RBFOX1: variants seen among roughly 807,000 people sequenced by gnomAD.
RBFOX1 encodes RNA binding fox-1 homolog 1.
In RBFOX1, 8 loss-of-function variants were observed where a neutral mutation model predicts 57.7. The ratio of observed to expected loss-of-function variants is 0.14; its 90% CI spans 0.08 to 0.25. The LOEUF (loss-of-function observed/expected upper bound fraction) is 0.25, where lower values mean the gene tolerates loss of function less well. RBFOX1 is among the 10% of genes least tolerant of loss of function. RBFOX1 has a pLI of 1.00. For synonymous variants in RBFOX1, 326 were observed against 222.4 expected (o/e 1.47, Z -4.15); for missense variants, 611 against 548.5 (o/e 1.11, Z -1.14).
intron 2 of RBFOX1, among the ~76,000 whole-genome samples, chr16:6,387,040 C>G (rs1178415008): frequency 1.3e-5 from 2 of 152,160 alleles, no homozygotes; most frequent in South Asian, 2.1e-4. Flanking sequence ...TGGAGAGGAA[C>G]TTGGACTTTA....
At chr16:5,969,477 A>ATT (rs34622040) in intron 4 of RBFOX1, among the ~76,000 whole-genome samples, 32,225 of 116,690 alleles carry the variant, frequency 0.28, 5,213 homozygotes, top group Non-Finnish European at 0.37. Context: ...ACGCCTGGCT[A>ATT]TTTTTTTTTT....
At chr16:5,936,094 G>T (rs2059162503) in intron 4 of RBFOX1, among the ~76,000 whole-genome samples, 1 of 151,996 alleles carries the variant, frequency 6.6e-6, no homozygotes. Flanking sequence ...GTAGCATCTG[G>T]CATCATAAAC....
intron 4 of RBFOX1, among the ~76,000 whole-genome samples, chr16:7,471,609 G>T (rs1250323608): frequency 6.6e-6 from 1 of 152,144 alleles, no homozygotes; most frequent in Non-Finnish European, 1.5e-5. Flanking sequence ...CTGAGACGGG[G>T]GTGGAGATGG....
At chr16:7,290,091 T>G (rs2095737709) in intron 4 of RBFOX1, among the ~76,000 whole-genome samples, 2 of 152,252 alleles carry the variant, frequency 1.3e-5, no homozygotes, top group Non-Finnish European at 2.9e-5. Flanking sequence ...TACGTACATT[T>G]ACACCGGTAG....
intron 3 of RBFOX1, among the ~76,000 whole-genome samples, chr16:6,884,284 G>T (rs948686176): frequency 1.4e-4 from 21 of 152,152 alleles, no homozygotes; most frequent in African/African-American, 5.1e-4. Context: ...CAAACTCTGG[G>T]TACTGTGAAG....
intron 3 of RBFOX1, among the ~76,000 whole-genome samples, chr16:5,666,533 G>A (rs962551937): frequency 2.6e-5 from 4 of 152,274 alleles, no homozygotes; most frequent in East Asian, 1.9e-4. Context: ...TGGAGCCTGC[G>A]TTTCTGTTGG....
chr16:6,659,241 T>TTGTCAGAGG (rs59444131), intron 3 of RBFOX1, among the ~76,000 whole-genome samples: 152,079 of 152,140 alleles, frequency 1, 76,009 homozygotes, highest in Middle Eastern at 1. Flanking sequence ...GAGAGCCCAT[T>TTGTCAGAGG]TTATAAACAC....
intron 2 of RBFOX1, among the ~76,000 whole-genome samples, chr16:6,427,761 C>T (rs1234906127): frequency 6.6e-6 from 1 of 152,034 alleles, no homozygotes; most frequent in African/African-American, 2.4e-5. Flanking sequence ...CAGTGTGATA[C>T]AATGGTAGGA....
intron 14 of RBFOX1, among the ~76,000 whole-genome samples, chr16:7,697,857 G>C (rs2079284919): frequency 6.6e-6 from 1 of 152,178 alleles, no homozygotes; most frequent in African/African-American, 2.4e-5. Flanking sequence ...ATTTGGAAGA[G>C]ACCCAAGGGC....
chr16:6,312,350 C>A lies in RBFOX1; in HGVS notation c.-126-4645C>A, dbSNP rs545211456. Among the ~76,000 whole-genome samples, 78 of 152,218 alleles carry A rather than the reference C, an allele frequency of 5.1e-4. No individual in the cohort carries two copies. In the Middle Eastern group the frequency reaches 0.01, roughly 20 times the overall value. On this transcript the variant is annotated intron_variant, in intron 1 of 15. Transcript: ENST00000550418. ...AACCCTCCTCCATGGCTCTTCCACT[C>A]TCTTCTTCTTCTCTCTCTCATTGCT...
At chr16:6,150,987 G>C (rs904287603) in intron 1 of RBFOX1, among the ~76,000 whole-genome samples, 6 of 152,140 alleles carry the variant, frequency 3.9e-5, no homozygotes, top group African/African-American at 1.4e-4. Context: ...TGTTCCTGCT[G>C]TTCTCCAGGA....
chr16:7,613,888 C>A (rs377678783), intron 10 of RBFOX1, among the ~76,000 whole-genome samples: 7 of 152,306 alleles, frequency 4.6e-5, no homozygotes, highest in African/African-American at 1.2e-4. Context: ...GTCCCTGACA[C>A]AAGTTTGCTC....
intron 4 of RBFOX1, among the ~76,000 whole-genome samples, chr16:6,006,305 G>T (rs921437029): frequency 5.9e-5 from 9 of 151,798 alleles, no homozygotes; most frequent in African/African-American, 2.2e-4. Context: ...TGATGGTTCA[G>T]CCCCGGGTAT....
At chr16:7,477,207 C>G (rs369844529) in intron 4 of RBFOX1, among the ~76,000 whole-genome samples, 3 of 152,248 alleles carry the variant, frequency 2.0e-5, no homozygotes, top group African/African-American at 7.2e-5. Flanking sequence ...GTATATCTGT[C>G]TCTTGGGTTG....
intron 3 of RBFOX1, among the ~76,000 whole-genome samples, chr16:6,667,295 G>C (rs1205751823): frequency 6.6e-6 from 1 of 152,128 alleles, no homozygotes; most frequent in Non-Finnish European, 1.5e-5. Flanking sequence ...CACTGAGGTA[G>C]ATCGGGCTAT....
intron 4 of RBFOX1, among the ~76,000 whole-genome samples, chr16:5,933,164 A>C (rs1014326974): frequency 2.6e-5 from 4 of 152,172 alleles, no homozygotes; most frequent in African/African-American, 4.8e-5. Context: ...GATAGAAATA[A>C]TTTCCTTAGC....
chr16:7,350,980 C>A (rs1183176835), intron 4 of RBFOX1, among the ~76,000 whole-genome samples: 7 of 152,222 alleles, frequency 4.6e-5, no homozygotes, highest in African/African-American at 1.2e-4. Flanking sequence ...TTTATTAAGT[C>A]TGGCTCTATC....
chr16:6,089,515 T>G (rs1259875993), intron 1 of RBFOX1, among the ~76,000 whole-genome samples: 1 of 152,194 alleles, frequency 6.6e-6, no homozygotes, highest in Non-Finnish European at 1.5e-5. Context: ...GCATTGTAAA[T>G]CTTAGACTAA....
chr16:6,976,784 A>G (rs1051335170), intron 3 of RBFOX1, among the ~76,000 whole-genome samples: 2 of 82,824 alleles, frequency 2.4e-5, no homozygotes, highest in African/African-American at 9.0e-5. Context: ...ATATCAATAT[A>G]TTATATATAT....
Sources: allele counts gnomAD v4.1 joint callset (sites outside exome capture counted in the v4.1 genomes callset), GRCh38; gene constraint gnomAD v4.1.1; transcripts MANE v1.5; gene names NCBI Gene and HGNC (gene_info 2026-07-23, HGNC 2026-07-21).